Variants in AGBL4 observed in about 807,000 individuals in gnomAD.
AGBL4 encodes cytosolic carboxypeptidase 6.
A neutral mutation model predicts 66.4 loss-of-function variants in AGBL4; 58 were observed. The observed-to-expected ratio is 0.87, with a 90% confidence interval of 0.71 to 1.09. The LOEUF (loss-of-function observed/expected upper bound fraction) is 1.09, where lower values mean the gene tolerates loss of function less well. AGBL4 is among the 50% of genes least tolerant of loss of function. AGBL4 has a pLI of 0.00. For synonymous variants in AGBL4, 234 were observed against 222.9 expected (o/e 1.05, Z -0.44); for missense variants, 579 against 631.0 (o/e 0.92, Z 0.88).
At chr1:48,532,553 C>G (rs1390752677), downstream of AGBL4, among the ~76,000 whole-genome samples, 1 of 152,200 alleles carries the variant, frequency 6.6e-6, no homozygotes, top group East Asian at 1.9e-4. Context: ...TGGATCTAGA[C>G]TATTGCCTCT....
chr1:49,541,890 T>C (rs1283170021), intron 3 of AGBL4, among the ~76,000 whole-genome samples: 1 of 151,920 alleles, frequency 6.6e-6, no homozygotes, highest in Non-Finnish European at 1.5e-5. Context: ...CAATCAGCAC[T>C]CTGTGTCTAG....
intron 4 of AGBL4, among the ~76,000 whole-genome samples, chr1:49,069,358 G>T (rs1323989237): frequency 6.6e-6 from 1 of 152,130 alleles, no homozygotes; most frequent in Non-Finnish European, 1.5e-5. Context: ...GGTTTTTATG[G>T]TTTTAGGTCT....
At chr1:48,920,267 T>C (rs1157712242) in intron 5 of AGBL4, among the ~76,000 whole-genome samples, 1 of 152,156 alleles carries the variant, frequency 6.6e-6, no homozygotes, top group African/African-American at 2.4e-5. Flanking sequence ...TGTAACAAGA[T>C]AAAAAGTGGG....
chr1:48,817,121 G>C (rs1470400484), intron 6 of AGBL4, among the ~76,000 whole-genome samples: 1 of 152,132 alleles, frequency 6.6e-6, no homozygotes, highest in Non-Finnish European at 1.5e-5. Flanking sequence ...ATGAGGAGGG[G>C]TGTTTGCCCA....
chr1:49,303,602 A>C (rs1215441669), intron 3 of AGBL4, among the ~76,000 whole-genome samples: 1 of 151,860 alleles, frequency 6.6e-6, no homozygotes, highest in African/African-American at 2.4e-5. Context: ...AAAGGTGTGA[A>C]TCACCATGTC....
At chr1:48,886,121 C>T (rs898840677) in intron 5 of AGBL4, among the ~76,000 whole-genome samples, 1 of 152,098 alleles carries the variant, frequency 6.6e-6, no homozygotes, top group South Asian at 2.1e-4. Context: ...GGCTAAGAGC[C>T]CTGCCTGAGG....
intron 6 of AGBL4, among the ~76,000 whole-genome samples, chr1:48,681,237 A>G (rs907215296): frequency 6.6e-6 from 1 of 152,146 alleles, no homozygotes; most frequent in African/African-American, 2.4e-5. Flanking sequence ...CCTCTCAAGG[A>G]TATATTGTAT....
At chr1:49,729,294 G>A (rs1322821331) in intron 2 of AGBL4, among the ~76,000 whole-genome samples, 1 of 152,146 alleles carries the variant, frequency 6.6e-6, no homozygotes, top group East Asian at 1.9e-4. Context: ...ACTCGCAGCT[G>A]CATTTCAATC....
intron 2 of AGBL4, among the ~76,000 whole-genome samples, chr1:49,803,377 T>C (rs1418261072): frequency 6.6e-6 from 1 of 152,190 alleles, no homozygotes; most frequent in African/African-American, 2.4e-5. Context: ...TCTACTTTTG[T>C]CTCTACTGCT....
At chr1:49,055,257 C>T (rs539781449) in intron 4 of AGBL4, among the ~76,000 whole-genome samples, 116 of 151,738 alleles carry the variant, frequency 7.6e-4, no homozygotes, top group Middle Eastern at 3.4e-3. Context: ...TGAAGAAGCA[C>T]CTCATTTGAT....
rs571629999 is a variant in AGBL4, at chr1:49,130,004, T to C, written c.378-84204A>G. Among the ~76,000 whole-genome samples, 4 of 152,318 alleles carry C rather than the reference T, an allele frequency of 2.6e-5. No individual in the cohort carries two copies. The East Asian group carries it at 7.7e-4, about 29-fold the overall frequency. On this transcript the variant is annotated intron_variant, in intron 4 of 13. Transcript: ENST00000371839. The stretch of plus-strand genomic sequence containing the variant: ...TTTCCTGACTTTTTAATGATCACCT[T>C]TCTAACTGGTGTGAGATGGTATCTC...
chr1:49,113,249 CT>C (rs747552094), intron 4 of AGBL4, among the ~76,000 whole-genome samples: 27 of 151,938 alleles, frequency 1.8e-4, no homozygotes, highest in Non-Finnish European at 3.7e-4. Flanking sequence ...CGCACCCGGC[CT>C]TAAATTTTTT....
intron 3 of AGBL4, among the ~76,000 whole-genome samples, chr1:49,360,276 T>A (rs550425523): frequency 1.7e-4 from 26 of 152,326 alleles, no homozygotes; most frequent in African/African-American, 6.0e-4. Context: ...CTGGAAAAGA[T>A]ACAATTTCTT....
intron 4 of AGBL4, among the ~76,000 whole-genome samples, chr1:49,120,126 T>A (rs1012965185): frequency 1.2e-4 from 18 of 152,090 alleles, no homozygotes; most frequent in Non-Finnish European, 2.2e-4. Flanking sequence ...GTCTTGACTC[T>A]ATCCAATTTG....
intron 3 of AGBL4, among the ~76,000 whole-genome samples, chr1:49,581,200 T>A (rs535134614): frequency 9.9e-5 from 15 of 152,082 alleles, no homozygotes; most frequent in African/African-American, 3.1e-4. Context: ...TTTCTTTTTT[T>A]AAAAAAGATA....
chr1:49,561,333 A>G (rs1201915471), intron 3 of AGBL4, among the ~76,000 whole-genome samples: 3 of 151,304 alleles, frequency 2.0e-5, no homozygotes, highest in Admixed American at 2.0e-4. Context: ...CATGTACCCT[A>G]AAGTTTTAGG....
intron 4 of AGBL4, among the ~76,000 whole-genome samples, chr1:49,235,598 G>A (rs1650664576): frequency 6.6e-6 from 1 of 152,162 alleles, no homozygotes; most frequent in South Asian, 2.1e-4. Context: ...GAAAGACTAT[G>A]AATAATAATC....
Position 49,773,638 on chromosome 1 carries a change from G to A in AGBL4, c.158-76201C>T, listed in dbSNP as rs529807915. Among the ~76,000 whole-genome samples, 15 of 152,294 alleles carry A rather than the reference G, an allele frequency of 9.8e-5. No individual in the cohort carries two copies. The South Asian group carries it at 3.1e-3, about 32-fold the overall frequency. On this transcript the variant is annotated intron_variant, in intron 2 of 13. Coordinates refer to ENST00000371839, the MANE Select transcript of AGBL4 (RefSeq NM_032785.4). ...TGGGGCAGGGTTCCCTGTTGGCCAG[G>A]CACATGGGGGTGCAGTAGGCTAGAA...
intron 3 of AGBL4, among the ~76,000 whole-genome samples, chr1:49,497,110 T>C (rs542316239): frequency 4.6e-5 from 7 of 152,070 alleles, no homozygotes; most frequent in Non-Finnish European, 1.0e-4. Context: ...TTAATATGCA[T>C]GTCCCCAATT....
Sources: gnomAD v4.1 joint callset for allele counts (sites outside exome capture counted in the v4.1 genomes callset) on GRCh38, gnomAD v4.1.1 for gene constraint, MANE v1.5 for transcripts, NCBI Gene and HGNC (gene_info 2026-07-23, HGNC 2026-07-21) for gene names.